The following MYOM3 variants were observed in gnomAD, a reference collection of about 807,000 sequenced individuals.
MYOM3 encodes myomesin 3.
In MYOM3, 155 loss-of-function variants were observed where a neutral mutation model predicts 191.7. The observed-to-expected ratio is 0.81, with a 90% CI of 0.71 to 0.92. MYOM3 has a LOEUF of 0.92. Among genes scored for constraint, MYOM3 ranks in the 40% least tolerant of loss-of-function variants. The pLI is 0.00. For missense variants in MYOM3, 1,889 were observed against 1,890.6 expected, an observed-to-expected ratio of 1.00 and a Z score of 0.02; for synonymous variants, 757 against 762.9, an observed-to-expected ratio of 0.99 and a Z score of 0.13.
Position 24,061,051 on chromosome 1 carries a change from C to T in MYOM3, c.3994+9G>A. On this transcript the variant is annotated intron_variant, in intron 35 of 36. Transcript: ENST00000374434. ...GAAACAAAAACAACAGAAATATCGG[C>T]CGACTTACTCTTCTCGATGATGGCC... 6.2e-7 allele frequency: 1 copy of T among 1,613,850 alleles called. No individual in the cohort carries two copies. Among genetic ancestry groups the T allele is most frequent in the Non-Finnish European group, 8.5e-7 (1 of 1,180,002 alleles).
At chr1:24,070,222 G>A (rs57625718) in intron 25 of MYOM3, among the ~76,000 whole-genome samples, 8,353 of 152,184 alleles carry the variant, frequency 0.055, 278 homozygotes, top group South Asian at 0.12. Context: ...TTGACTTTAA[G>A]AGAAGAAAAG....
rs1172522688 is a variant in MYOM3 at position 24,080,136 on chromosome 1, C to T, written c.2466G>A (p.Trp822Ter). The stretch of plus-strand genomic sequence containing the variant: ...CAGCCCCCATATACAGTGGGGGTTC[C>T]CACTGCAGCACCAGGGATGTGGCCC... ...EVRATSLVLQ[W>*]EPPLYMGAGP... The change falls in exon 20 of 37, where the codon TGG (tryptophan) becomes TGA (stop). Residue 822 changes from tryptophan (W) to a stop codon, truncating the protein, a stop_gained. Coordinates refer to ENST00000374434, the MANE Select transcript of MYOM3 (RefSeq NM_152372.4). LOFTEE classifies it high-confidence loss of function. 6.2e-7 allele frequency: 1 copy of T among 1,613,800 alleles called. No individual in the cohort carries two copies. The highest frequency in any genetic ancestry group is 1.1e-5 in the South Asian group (1 of 91,052).
In MYOM3 at chr1:24,108,601, G is replaced by T. The variant is rs1347328834; in HGVS notation, c.36C>A (p.Asp12Glu). 2.8e-5 allele frequency: 44 copies of T among 1,566,500 alleles called. No individual in the cohort carries two copies. Among genetic ancestry groups the T allele is most frequent in the Non-Finnish European group, 3.5e-5 (41 of 1,157,820 alleles). The change falls in exon 2 of 37, where the codon GAC becomes GAA. Residue 12 changes from aspartate (D) to glutamate (E), a missense_variant. By Grantham distance (45) the Asp-to-Glu change is conservative. Transcript: ENST00000374434. ...CCTCCATGGCCTGGGGGGGCCGGGG[G>T]TCCCCCGCACCTCCCAAGCTGTGCG... ...TLPHSLGGAG[D>E]PRPPQAMEVH... is the part of the protein sequence containing the mutation.
Position 24,064,127 on chromosome 1 carries a change from C to G in MYOM3, c.3567G>C (p.Ala1189=). 6.2e-7 allele frequency: 1 copy of G among 1,614,056 alleles called. No homozygotes were observed. The highest frequency in any genetic ancestry group is 1.1e-5 in the South Asian group (1 of 91,076). The part of the protein sequence containing the change: ...LSKKDKGIYR[A]MVSDDRGEDD... ...CCTCCCCTCGATCGTCAGAAACCATCGCTCTGTAAATTCCCTTGTCCTTTT... is the reference window on the plus strand; with the variant it reads ...CCTCCCCTCGATCGTCAGAAACCATGGCTCTGTAAATTCCCTTGTCCTTTT... Residue 1189 remains alanine, a synonymous_variant, in exon 30 of 37, where the codon GCG becomes GCC. Transcript: ENST00000374434.
chr1:24,103,948 ATTCT>A (rs1451351517), intron 5 of MYOM3, among the ~76,000 whole-genome samples: 1 of 151,968 alleles, frequency 6.6e-6, no homozygotes, highest in Non-Finnish European at 1.5e-5. Flanking sequence ...CATCTCTCTG[ATTCT>A]TTAATTATCC....
chr1:24,082,238 A>C, intron 17 of MYOM3, 50 bp from the exon 18 acceptor site: 1 of 1,494,466 alleles, frequency 6.7e-7, no homozygotes, highest in African/African-American at 1.4e-5. Context: ...GGGTGGCTGG[A>C]TTGGACAGTG....
At position 24,075,379 on chromosome 1, in the gene MYOM3, G is replaced by A; in HGVS notation, c.2798C>T (p.Ser933Phe). The A allele has an allele frequency of 6.2e-7, 1 of 1,612,568 alleles. No individual in the cohort carries two copies. The highest frequency in any genetic ancestry group is 1.3e-5 in the African/African-American group (1 of 74,838). The change falls in exon 22 of 37, where the codon TCC (serine) becomes TTC (phenylalanine). Residue 933 changes from serine (S) to phenylalanine (F), a missense_variant. Ser to Phe is a radical substitution (Grantham distance 155, BLOSUM62 -2). Coordinates refer to ENST00000374434, the MANE Select transcript of MYOM3 (RefSeq NM_152372.4). ...GTCCAGTGGGCCCTTGTAGTCTTTG[G>A]ACCACTGAAACTCTGAGGAGTCGGG... ...EAPDSSEFQW[S>F]KDYKGPLDPQ...
intron 5 of MYOM3, 59 bp downstream of exon 5, chr1:24,105,861 G>A (rs1037341414): frequency 6.7e-7 from 1 of 1,490,846 alleles, no homozygotes; most frequent in Non-Finnish European, 9.1e-7. Flanking sequence ...AGTATTGGAT[G>A]TGAGGAACTC....
At position 24,094,983 on chromosome 1, in the gene MYOM3, C is replaced by T. The variant is rs558297829; in HGVS notation, c.798G>A (p.Thr266=). 4.2e-5 allele frequency: 68 copies of T among 1,613,368 alleles called. No homozygotes were observed. In the African/African-American group the frequency reaches 7.2e-4, roughly 17 times the overall value. The change falls in exon 9 of 37, where the codon ACG becomes ACA. Residue 266 remains threonine, a synonymous_variant. Coordinates refer to ENST00000374434, the MANE Select transcript of MYOM3 (RefSeq NM_152372.4). ...AGGTGAATTCCACGCTGGGGCCAAA[C>T]GTCGATCCTGGCGTGGGAATGAAAT... The part of the protein sequence containing the change: ...GFDSEIFKRS[T]FGPSVEFTSV...
In MYOM3 at chr1:24,063,065, C is replaced by G; in HGVS notation, c.3770+61G>C. The G allele has an allele frequency of 8.7e-7, 1 of 1,144,294 alleles. No homozygotes were observed. The highest frequency in any genetic ancestry group is 1.3e-6 in the Non-Finnish European group (1 of 756,878). The allele number at this position is 1,144,294 out of a possible 1,614,324, so 70.9% of individuals were successfully genotyped here. A position where few individuals can be genotyped will look rare whatever the true frequency, so the allele number is the denominator to read the frequency against. ...GGCAGGGAGAAGGGAGGGAGGCCCCCATGGGTCAGGTGCTGAATCCTTTCC... is the reference window on the plus strand; with the variant it reads ...GGCAGGGAGAAGGGAGGGAGGCCCCGATGGGTCAGGTGCTGAATCCTTTCC... On this transcript the variant is annotated intron_variant, in intron 32 of 36. Transcript: ENST00000374434. The surrounding 1 kb of genome is among the most constrained non-coding windows in gnomAD (Gnocchi z 4.5).
intron 23 of MYOM3, among the ~76,000 whole-genome samples, chr1:24,073,027 G>A (rs561382646): frequency 3.3e-5 from 5 of 152,062 alleles, no homozygotes; most frequent in South Asian, 2.1e-4. Flanking sequence ...GCAAGCACAC[G>A]GCAAACAAAA....
chr1:24,074,068 T>C, intron 23 of MYOM3, 92 bp downstream of exon 23: 1 of 918,658 alleles, frequency 1.1e-6, no homozygotes, highest in Non-Finnish European at 1.7e-6. Flanking sequence ...GCCACTTTAC[T>C]CATTTTGGTT....
At position 24,063,640 on chromosome 1, in the gene MYOM3, G is replaced by A; in HGVS notation, c.3623-110C>T. 8.0e-7 allele frequency: 1 copy of A among 1,250,796 alleles called. No individual in the cohort carries two copies. Among genetic ancestry groups the A allele is most frequent in the Non-Finnish European group, 1.2e-6 (1 of 866,414 alleles). The allele number at this position is 1,250,796 out of a possible 1,614,324, so 77.5% of individuals were successfully genotyped here. A position where few individuals can be genotyped will look rare whatever the true frequency, so the allele number is the denominator to read the frequency against. On this transcript the variant is annotated intron_variant, in intron 30 of 36. Coordinates refer to ENST00000374434, the MANE Select transcript of MYOM3 (RefSeq NM_152372.4). The surrounding 1 kb of genome is among the most constrained non-coding windows in gnomAD (Gnocchi z 4.5). Reference sequence around the variant, plus strand: ...GGTGGAGCCCGTGAGCTGCTCTCAGGGGGACAGGCAACTCTGTAGGATGAC... The same window carrying A: ...GGTGGAGCCCGTGAGCTGCTCTCAGAGGGACAGGCAACTCTGTAGGATGAC...
chr1:24,103,184 G>A (rs777994500), intron 5 of MYOM3, among the ~76,000 whole-genome samples: 7 of 152,240 alleles, frequency 4.6e-5, no homozygotes, highest in Non-Finnish European at 7.3e-5. Flanking sequence ...CCAGGGCCGC[G>A]CAGAGCTTGG....
intron 36 of MYOM3, among the ~76,000 whole-genome samples, 160 bp from the exon 37 acceptor site, chr1:24,057,787 AC>A (rs1643321073): frequency 6.6e-6 from 1 of 151,774 alleles, no homozygotes; most frequent in Admixed American, 6.6e-5. Context: ...TTTTATTTTA[AC>A]CCCACATCCT....
chr1:24,068,914 G>C (rs1570857615), intron 25 of MYOM3, among the ~76,000 whole-genome samples: 1 of 152,040 alleles, frequency 6.6e-6, no homozygotes, highest in Admixed American at 6.6e-5. Context: ...AGTAGAGACT[G>C]GGTTTCACCA....
intron 20 of MYOM3, among the ~76,000 whole-genome samples, chr1:24,078,482 AT>A (rs1643628625): frequency 1.3e-5 from 2 of 152,106 alleles, no homozygotes. Flanking sequence ...ACCGTATCCT[AT>A]TTGTTAGTAT....
At chr1:24,061,145 G>A (rs1011783705) in intron 34 of MYOM3, 63 bp from the exon 35 acceptor site, 1 of 1,610,570 alleles carries the variant, frequency 6.2e-7, no homozygotes, top group Non-Finnish European at 8.5e-7. Context: ...TCCAGCCCAG[G>A]TGGAGGTGAG....
chr1:24,094,508 G>A (rs565591352), intron 9 of MYOM3, among the ~76,000 whole-genome samples: 11 of 152,120 alleles, frequency 7.2e-5, no homozygotes, highest in African/African-American at 2.6e-4. Flanking sequence ...CATGCAAATG[G>A]CTGAGCAGGT....
Sources: allele counts gnomAD v4.1 joint callset (sites outside exome capture counted in the v4.1 genomes callset), GRCh38; gene constraint gnomAD v4.1.1; non-coding constraint Gnocchi (gnomAD v3.1); transcripts MANE v1.5; gene names NCBI Gene and HGNC (gene_info 2026-07-23, HGNC 2026-07-21).